The following DYNC2H1 variants were observed in gnomAD, a reference collection of about 807,000 sequenced individuals.
The protein encoded by DYNC2H1 is cytoplasmic dynein 2 heavy chain 1.
In DYNC2H1, 410 loss-of-function variants were observed where a neutral mutation model predicts 570.0. The observed-to-expected ratio is 0.72, with a 90% CI of 0.66 to 0.78. The LOEUF (loss-of-function observed/expected upper bound fraction) is 0.78. Among genes scored for constraint, DYNC2H1 ranks in the 30% least tolerant of loss-of-function variants. DYNC2H1 has a pLI of 0.00. For synonymous variants in DYNC2H1, 1,688 were observed against 1,677.6 expected, an observed-to-expected ratio of 1.01 and a Z score of -0.15; for missense variants, 4,865 against 5,046.4, an observed-to-expected ratio of 0.96 and a Z score of 1.09.
chr11:103,451,101 A>T (rs1422891696), intron 85 of DYNC2H1, among the ~76,000 whole-genome samples: 1 of 152,020 alleles, frequency 6.6e-6, no homozygotes, highest in Non-Finnish European at 1.5e-5. Flanking sequence ...TATTTTTCCA[A>T]TACCAGTTTT....
chr11:103,189,898 G>T lies in DYNC2H1; in HGVS notation c.7437+82G>T, dbSNP rs1862227029. ...TACTTTTAATTCTGACCTCTGTGTT[G>T]ACACCCAGGCTTTACTTTCCTGTTT... On this transcript the variant is annotated intron_variant, in intron 45 of 88. Transcript: ENST00000375735. This position sits in a 1 kb window ranked among gnomAD's most constrained non-coding sequence, Gnocchi z 4.3. 2 of 1,383,638 alleles carry T rather than the reference G, an allele frequency of 1.4e-6. No individual in the cohort carries two copies. The highest frequency in any genetic ancestry group is 2.3e-5 in the Admixed American group (1 of 43,336). 85.7% of individuals were successfully genotyped at this position (1,383,638 alleles called of 1,614,324 possible). A position where few individuals can be genotyped will look rare whatever the true frequency, so the allele number is the denominator to read the frequency against.
chr11:103,256,467 A>G lies in DYNC2H1; in HGVS notation c.10461+227A>G, dbSNP rs1865061681. ...TTGTCAGTATACCCTGCTGCCTTCT[A>G]CTGATTTCTGGCATAATGTTATCTA... is the stretch of plus-strand genomic sequence containing the variant. On this transcript the variant is annotated intron_variant, in intron 68 of 88. Transcript: ENST00000375735. The surrounding 1 kb of genome is among the most constrained non-coding windows in gnomAD (Gnocchi z 4.0). 6.6e-6 allele frequency among the ~76,000 whole-genome samples: 1 copy of G among 152,124 alleles called. No individual in the cohort carries two copies. Among genetic ancestry groups the G allele is most frequent in the Non-Finnish European group, 1.5e-5 (1 of 68,010 alleles).
chr11:103,208,334 T>A (rs1863017990), intron 52 of DYNC2H1, among the ~76,000 whole-genome samples: 1 of 152,202 alleles, frequency 6.6e-6, no homozygotes, highest in Non-Finnish European at 1.5e-5. Context: ...ATGATTGGAC[T>A]GGTAGATGCC....
chr11:103,143,490 G>A, intron 18 of DYNC2H1, 95 bp downstream of exon 18: 4 of 1,226,708 alleles, frequency 3.3e-6, no homozygotes, highest in Non-Finnish European at 4.4e-6. Context: ...AGTCACATCA[G>A]CTTCTTGCCT....
chr11:103,243,620 T>C lies in DYNC2H1; in HGVS notation c.9820-73T>C. On this transcript the variant is annotated intron_variant, in intron 63 of 88. Coordinates refer to ENST00000375735, the MANE Select transcript of DYNC2H1 (RefSeq NM_001377.3). The surrounding 1 kb of genome is among the most constrained non-coding windows in gnomAD (Gnocchi z 4.8). ...CATTTAGTAATTGATTTATAATTTC[T>C]AGAAAACTATTTCCATTTAAATGAA... The C allele has an allele frequency of 8.7e-7, 1 of 1,143,490 alleles. No individual in the cohort carries two copies. Among genetic ancestry groups the C allele is most frequent in the South Asian group, 1.6e-5 (1 of 64,000 alleles). The allele number at this position is 1,143,490 out of a possible 1,614,324, so 70.8% of individuals were successfully genotyped here. A position where few individuals can be genotyped will look rare whatever the true frequency, so the allele number is the denominator to read the frequency against.
intron 65 of DYNC2H1, among the ~76,000 whole-genome samples, chr11:103,246,721 A>G (rs773266393): frequency 1.1e-4 from 17 of 151,980 alleles, no homozygotes; most frequent in Non-Finnish European, 8.8e-5. Flanking sequence ...TAAGTTCCTC[A>G]TGAGTTGCCA....
chr11:103,344,868 C>T (rs568456102), intron 82 of DYNC2H1, among the ~76,000 whole-genome samples: 1 of 152,242 alleles, frequency 6.6e-6, no homozygotes, highest in South Asian at 2.1e-4. Flanking sequence ...GAACCAATAA[C>T]TTAACCCAAG....
At chr11:103,410,472 G>A (rs1168240366) in intron 84 of DYNC2H1, among the ~76,000 whole-genome samples, 1 of 152,126 alleles carries the variant, frequency 6.6e-6, no homozygotes, top group Non-Finnish European at 1.5e-5. Context: ...GCAAGAGGTG[G>A]TGAGGTAGAT....
intron 59 of DYNC2H1, among the ~76,000 whole-genome samples, chr11:103,230,718 A>G (rs615794): frequency 0.76 from 114,975 of 151,928 alleles, 44,021 homozygotes; most frequent in Admixed American, 0.83. Context: ...GCGTTCCGGT[A>G]TGTTAGTTAT....
chr11:103,385,198 T>C (rs980278817), intron 83 of DYNC2H1, among the ~76,000 whole-genome samples: 1 of 152,134 alleles, frequency 6.6e-6, no homozygotes, highest in African/African-American at 2.4e-5. Flanking sequence ...ATGGGCTTTT[T>C]GAATTTTCAT....
chr11:103,200,520 C>A (rs1177752638), intron 50 of DYNC2H1, among the ~76,000 whole-genome samples: 1 of 151,982 alleles, frequency 6.6e-6, no homozygotes, highest in African/African-American at 2.4e-5. Context: ...AGGAATTTAA[C>A]CCACAGAAAT....
rs1052082317 is a variant in DYNC2H1 at position 103,465,068 on chromosome 11, G to T, written c.12649-3521G>T. Among the ~76,000 whole-genome samples, 1 of 151,832 alleles carries T rather than the reference G, an allele frequency of 6.6e-6. No homozygotes were observed. The highest frequency in any genetic ancestry group is 1.5e-5 in the Non-Finnish European group (1 of 67,954). On this transcript the variant is annotated intron_variant, in intron 87 of 88. Transcript: ENST00000375735. This position sits in a 1 kb window ranked among gnomAD's most constrained non-coding sequence, Gnocchi z 4.9. ...ATTAGAAAGTTTTACACTTAATTAC[G>T]CATTTAAAAGTAGATGGTAAAACAC...
At chr11:103,366,484 A>T (rs1940913352) in intron 83 of DYNC2H1, among the ~76,000 whole-genome samples, 1 of 152,212 alleles carries the variant, frequency 6.6e-6, no homozygotes, top group South Asian at 2.1e-4. Context: ...AATATAGTTT[A>T]TCATTATTTT....
chr11:103,278,765 C>T (rs1866012337), intron 70 of DYNC2H1, among the ~76,000 whole-genome samples: 1 of 152,132 alleles, frequency 6.6e-6, no homozygotes, highest in South Asian at 2.1e-4. Flanking sequence ...CAGATTTTCA[C>T]CATGTTGGCC....
At chr11:103,317,558 A>T (rs1937924476) in intron 80 of DYNC2H1, among the ~76,000 whole-genome samples, 1 of 152,172 alleles carries the variant, frequency 6.6e-6, no homozygotes, top group African/African-American at 2.4e-5. Context: ...GTTTTTAGAA[A>T]TGCAAACCAA....
rs1234409018 is a variant in DYNC2H1 at position 103,120,955 on chromosome 11, T to C, written c.1279T>C (p.Leu427=). ...LLQAFLKYKE[L]VKRPTISKEL... is the part of the protein sequence containing the mutation. ...TCAAGCATTCCTGAAATATAAAGAG[T>C]TGGTAAAGCGTCCAACTATAAGCAA... The change falls in exon 9 of 89, where the codon TTG becomes CTG. Residue 427 remains leucine (L), a synonymous_variant. Transcript: ENST00000375735. 1 of 1,561,304 alleles carries C rather than the reference T, an allele frequency of 6.4e-7. No homozygotes were observed. Among genetic ancestry groups the C allele is most frequent in the Non-Finnish European group, 8.6e-7 (1 of 1,156,108 alleles).
At chr11:103,269,545 G>A (rs1865623244) in intron 70 of DYNC2H1, among the ~76,000 whole-genome samples, 1 of 152,138 alleles carries the variant, frequency 6.6e-6, no homozygotes, top group South Asian at 2.1e-4. Context: ...ACATTGAACT[G>A]AAAGCAAGTT....
chr11:103,416,347 T>C (rs1330990126), intron 84 of DYNC2H1, among the ~76,000 whole-genome samples: 1 of 152,172 alleles, frequency 6.6e-6, no homozygotes, highest in Non-Finnish European at 1.5e-5. Flanking sequence ...AAGTTTCATA[T>C]GGAACCAAAA....
At chr11:103,150,289 G>T (rs1221414405) in intron 20 of DYNC2H1, among the ~76,000 whole-genome samples, 1 of 152,166 alleles carries the variant, frequency 6.6e-6, no homozygotes, top group East Asian at 1.9e-4. Flanking sequence ...TGTGGAAAAT[G>T]AATTGGAGGG....
Sources: allele counts gnomAD v4.1 joint callset (sites outside exome capture counted in the v4.1 genomes callset), GRCh38; gene constraint gnomAD v4.1.1; non-coding constraint Gnocchi (gnomAD v3.1); transcripts MANE v1.5; gene names NCBI Gene and HGNC (gene_info 2026-07-23, HGNC 2026-07-21).